MCCC2: variants seen among roughly 807,000 people sequenced by gnomAD.
MCCC2 encodes methylcrotonyl-CoA carboxylase subunit 2.
Under a neutral mutation model 77.2 loss-of-function variants are expected in MCCC2, and 52 were observed. That is an observed-to-expected ratio of 0.67 (90% confidence interval 0.54 to 0.85). The LOEUF is 0.85. Ranked by LOEUF, MCCC2 falls within the 40% of genes least tolerant of loss-of-function variation. The pLI, the probability that MCCC2 is intolerant of heterozygous loss-of-function variation, is 0.00. For missense variants in MCCC2, 682 were observed against 703.2 expected, an observed-to-expected ratio of 0.97 and a Z score of 0.34; for synonymous variants, 253 against 248.4, an observed-to-expected ratio of 1.02 and a Z score of -0.18.
chr5:71,604,228 G>A (rs1419096018), intron 5 of MCCC2, 128 bp from the exon 6 acceptor site: 1 of 789,688 alleles, frequency 1.3e-6, no homozygotes, highest in Non-Finnish European at 2.2e-6. Context: ...CTCTATAACA[G>A]TTTAGAAAGA....
At position 71,587,549 on chromosome 5, in the gene MCCC2, T is replaced by C. The variant is rs918014960; in HGVS notation, c.124T>C (p.Tyr42His). The C allele has an allele frequency of 1.1e-5, 17 of 1,537,108 alleles. No individual in the cohort carries two copies. The highest frequency in any genetic ancestry group is 1.5e-5 in the Non-Finnish European group (17 of 1,145,634). The part of the protein sequence containing the change: ...GTQPDLGSAL[Y>H]QENYKQMKAL... ...CCAGCCGGACTTGGGCTCTGCCCTC[T>C]ACCAGGTAGGCTGAGCGCCCCGGTG... The change falls in exon 1 of 17, where the codon TAC becomes CAC. Residue 42 changes from tyrosine (Y) to histidine (H), a missense_variant. By Grantham distance (83) the Tyr-to-His change is moderately conservative (BLOSUM62 2). Coordinates refer to ENST00000340941, the MANE Select transcript of MCCC2 (RefSeq NM_022132.5).
intron 1 of MCCC2, among the ~76,000 whole-genome samples, chr5:71,590,526 A>C (rs1351841238): frequency 3.3e-5 from 5 of 152,156 alleles, no homozygotes; most frequent in Non-Finnish European, 7.4e-5. Context: ...GATTGAAAGG[A>C]TACTTTTGGG....
At chr5:71,618,148 T>C (rs1442018482) in intron 6 of MCCC2, among the ~76,000 whole-genome samples, 1 of 152,228 alleles carries the variant, frequency 6.6e-6, no homozygotes, top group Non-Finnish European at 1.5e-5. Flanking sequence ...AATGTTCTTC[T>C]TTTATTTTCC....
At chr5:71,631,715 T>G (rs1746721202) in intron 7 of MCCC2, among the ~76,000 whole-genome samples, 2 of 151,906 alleles carry the variant, frequency 1.3e-5, no homozygotes, top group African/African-American at 4.8e-5. Context: ...TAATTTTTTG[T>G]ATTTTTAGTA....
At chr5:71,654,694 G>A (rs929015147) in intron 16 of MCCC2, among the ~76,000 whole-genome samples, 1 of 152,060 alleles carries the variant, frequency 6.6e-6, no homozygotes, top group African/African-American at 2.4e-5. Flanking sequence ...TCTTGAGAAA[G>A]ATTGCATCTT....
chr5:71,652,585 C>T (rs1036181394), intron 15 of MCCC2, 84 bp from the exon 16 acceptor site: 1 of 999,522 alleles, frequency 1.0e-6, no homozygotes, highest in African/African-American at 1.6e-5. Flanking sequence ...TTCATGACAT[C>T]TGTTGTTTCT....
At chr5:71,633,833 A>C (rs1023984607) in intron 8 of MCCC2, among the ~76,000 whole-genome samples, 3 of 152,202 alleles carry the variant, frequency 2.0e-5, no homozygotes, top group Non-Finnish European at 2.9e-5. Context: ...AGCATTTATA[A>C]CTGGTATTAT....
rs1746741258 is a variant in MCCC2 at position 71,632,187 on chromosome 5, T to G, written c.803+2T>G. On this transcript the variant is annotated splice_donor_variant, in intron 8 of 16. Transcript: ENST00000340941. LOFTEE classifies it high-confidence loss of function. ...TGGAGGTGCTGATCTTCATTGCAGG[T>G]GAAACAGAAATGGTTGTTTCTTTCC... 6.2e-7 allele frequency: 1 copy of G among 1,613,852 alleles called. No homozygotes were observed. The highest frequency in any genetic ancestry group is 8.5e-7 in the Non-Finnish European group (1 of 1,179,828).
Position 71,613,436 on chromosome 5 carries a change from C to G in MCCC2, c.624+8968C>G, listed in dbSNP as rs564657420. 9.8e-5 allele frequency among the ~76,000 whole-genome samples: 15 copies of G among 152,338 alleles called. No individual in the cohort carries two copies. The South Asian group carries it at 3.1e-3, about 32-fold the overall frequency. On this transcript the variant is annotated intron_variant, in intron 6 of 16. Transcript: ENST00000340941. ...CAATACCTGCTTATGATAAAAAACT[C>G]AAAATGTCTGAAGGGCATTTGACTG...
chr5:71,606,910 A>AT (rs1561827384), intron 6 of MCCC2, among the ~76,000 whole-genome samples: 1 of 151,360 alleles, frequency 6.6e-6, no homozygotes, highest in African/African-American at 2.4e-5. Flanking sequence ...CCAGCCTTGC[A>AT]TCCCAGGGAT....
chr5:71,633,123 A>ATTTTTTTTTTTT (rs1391065508), intron 8 of MCCC2, among the ~76,000 whole-genome samples: 6 of 31,790 alleles, frequency 1.9e-4, no homozygotes, highest in Non-Finnish European at 4.1e-4. Flanking sequence ...ATATATATAT[A>ATTTTTTTTTTTT]TATATATATT....
intron 3 of MCCC2, among the ~76,000 whole-genome samples, chr5:71,596,776 T>G (rs1194714563): frequency 6.6e-6 from 1 of 151,938 alleles, no homozygotes; most frequent in African/African-American, 2.4e-5. Context: ...CCGTCTCTAC[T>G]AAAAATACAA....
intron 8 of MCCC2, among the ~76,000 whole-genome samples, chr5:71,633,089 TTTTA>T (rs1329172401): frequency 1.0e-4 from 8 of 77,494 alleles, no homozygotes; most frequent in Non-Finnish European, 1.8e-4. Flanking sequence ...TTTTTTTCAG[TTTTA>T]TATATATATA....
rs766133870 is a variant in MCCC2, at chr5:71,626,676, G to A, written c.661G>A (p.Ala221Thr). Residue 221 changes from alanine to threonine, a missense_variant, in exon 7 of 17, where the codon GCC (alanine) becomes ACC (threonine). By Grantham distance (58) the Ala-to-Thr change is moderately conservative. Coordinates refer to ENST00000340941, the MANE Select transcript of MCCC2 (RefSeq NM_022132.5). ...CATGGGCTCCTGCACCGCAGGAGGA[G>A]CCTATGTGCCTGCCATGGCTGATGA... ...VVMGSCTAGG[A>T]YVPAMADENI... 2 of 1,614,130 alleles carry A rather than the reference G, an allele frequency of 1.2e-6. No homozygotes were observed. The highest frequency in any genetic ancestry group is 1.7e-5 in the Admixed American group (1 of 60,020).
intron 6 of MCCC2, among the ~76,000 whole-genome samples, chr5:71,615,410 G>C (rs544954024): frequency 6.6e-6 from 1 of 151,816 alleles, no homozygotes; most frequent in Admixed American, 6.6e-5. Context: ...TTTCCTTTTC[G>C]TGAAATTCTC....
chr5:71,591,421 A>AGAGTTTT (rs1491444340), intron 1 of MCCC2, among the ~76,000 whole-genome samples: 1 of 148,722 alleles, frequency 6.7e-6, no homozygotes, highest in African/African-American at 2.4e-5. Context: ...ATGCCAGCAT[A>AGAGTTTT]GAGTTTTGTT....
At chr5:71,635,573 T>C in intron 10 of MCCC2, 1 of 377,634 alleles carries the variant, frequency 2.6e-6, no homozygotes, top group African/African-American at 2.1e-5. Context: ...AGCTATTTCT[T>C]TTCATTGTTC....
Position 71,617,471 on chromosome 5 carries a change from C to T in MCCC2, c.625-9169C>T, listed in dbSNP as rs141684414. 6.1e-3 allele frequency among the ~76,000 whole-genome samples: 923 copies of T among 152,310 alleles called. 12 individuals are homozygous for T. Among genetic ancestry groups the T allele is most frequent in the African/African-American group, 0.021 (877 of 41,564 alleles). The stretch of plus-strand genomic sequence containing the variant: ...CAATTTAGATGAATTTTTATATCCT[C>T]ACACATTTCCCTGAGATGGTACTTA... On this transcript the variant is annotated intron_variant, in intron 6 of 16. Coordinates refer to ENST00000340941, the MANE Select transcript of MCCC2 (RefSeq NM_022132.5).
chr5:71,604,667 G>C (rs957607163), intron 6 of MCCC2, among the ~76,000 whole-genome samples, 199 bp downstream of exon 6: 3 of 151,702 alleles, frequency 2.0e-5, no homozygotes, highest in African/African-American at 7.3e-5. Flanking sequence ...TGCCATGCTG[G>C]TGCGCTGCAC....
Sources: gnomAD v4.1 joint callset for allele counts (sites outside exome capture counted in the v4.1 genomes callset) on GRCh38, gnomAD v4.1.1 for gene constraint, MANE v1.5 for transcripts, NCBI Gene and HGNC (gene_info 2026-07-23, HGNC 2026-07-21) for gene names.